SLC9A9: variants seen among roughly 807,000 people sequenced by gnomAD.
The protein encoded by SLC9A9 is sodium/hydrogen exchanger 9.
In SLC9A9, 62 loss-of-function variants were observed where a neutral mutation model predicts 77.8. The ratio of observed to expected loss-of-function variants is 0.80; its 90% CI spans 0.65 to 0.98. The LOEUF is 0.98. Among genes scored for constraint, SLC9A9 ranks in the 50% least tolerant of loss-of-function variants. The pLI is 0.00. For missense variants in SLC9A9, 775 were observed against 774.9 expected, an observed-to-expected ratio of 1.00 and a Z score of 0.00; for synonymous variants, 320 against 283.5, an observed-to-expected ratio of 1.13 and a Z score of -1.29.
intron 14 of SLC9A9, among the ~76,000 whole-genome samples, chr3:143,307,390 A>T (rs990234993): frequency 6.6e-6 from 1 of 152,232 alleles, no homozygotes; most frequent in African/African-American, 2.4e-5. Context: ...ATGGATTTAA[A>T]CAGAAATTGA....
chr3:143,579,801 G>C (rs1024771260), intron 6 of SLC9A9, among the ~76,000 whole-genome samples: 8 of 152,162 alleles, frequency 5.3e-5, no homozygotes, highest in African/African-American at 1.7e-4. Context: ...CCAATGATTA[G>C]AGCATGTTAG....
chr3:143,709,744 G>A (rs770677575), intron 4 of SLC9A9, among the ~76,000 whole-genome samples: 4 of 152,150 alleles, frequency 2.6e-5, no homozygotes, highest in Non-Finnish European at 5.9e-5. Flanking sequence ...GATTCAAGGC[G>A]TTGTTACCTC....
chr3:143,465,337 C>G (rs1317261491), intron 12 of SLC9A9, among the ~76,000 whole-genome samples: 2 of 152,236 alleles, frequency 1.3e-5, no homozygotes, highest in Non-Finnish European at 2.9e-5. Flanking sequence ...TCCCCTCTCC[C>G]TGCTGGACCA....
intron 14 of SLC9A9, among the ~76,000 whole-genome samples, chr3:143,320,321 G>A (rs562409810): frequency 6.6e-6 from 1 of 152,320 alleles, no homozygotes; most frequent in Admixed American, 6.5e-5. Flanking sequence ...TCAGATTCCT[G>A]TTTAGAAGAG....
chr3:143,713,701 T>C (rs991348348), intron 4 of SLC9A9, among the ~76,000 whole-genome samples: 26 of 152,278 alleles, frequency 1.7e-4, no homozygotes, highest in African/African-American at 5.8e-4. Flanking sequence ...CTTGCCATGG[T>C]CAGGGGGAAG....
At chr3:143,831,869 C>T in intron 2 of SLC9A9, 150 bp downstream of exon 2, 1 of 706,628 alleles carries the variant, frequency 1.4e-6, no homozygotes, top group Non-Finnish European at 2.3e-6. Flanking sequence ...CAGGGTTTGA[C>T]TCCTTAGTCA....
chr3:143,536,282 C>A (rs1287682678), intron 9 of SLC9A9, among the ~76,000 whole-genome samples: 1 of 152,022 alleles, frequency 6.6e-6, no homozygotes. Context: ...TCCCATTTTC[C>A]CACCCATGTT....
chr3:143,587,563 T>TCAGGCTGGAGA (rs1363691607), intron 6 of SLC9A9, among the ~76,000 whole-genome samples: 1 of 149,516 alleles, frequency 6.7e-6, no homozygotes, highest in Non-Finnish European at 1.5e-5. Context: ...GTGGTGGGAG[T>TCAGGCTGGAGA]CAGGCTGGAG....
At chr3:143,782,991 C>T (rs1349141677) in intron 4 of SLC9A9, among the ~76,000 whole-genome samples, 2 of 152,104 alleles carry the variant, frequency 1.3e-5, no homozygotes, top group South Asian at 2.1e-4. Context: ...TCATTCAAAC[C>T]GCTCTCAGAT....
At chr3:143,475,315 T>G (rs2035456187) in intron 11 of SLC9A9, among the ~76,000 whole-genome samples, 1 of 152,044 alleles carries the variant, frequency 6.6e-6, no homozygotes, top group Non-Finnish European at 1.5e-5. Context: ...CTTGTTTATA[T>G]TCTGGTCTTT....
At chr3:143,400,485 T>C (rs914652185) in intron 12 of SLC9A9, among the ~76,000 whole-genome samples, 2 of 151,950 alleles carry the variant, frequency 1.3e-5, no homozygotes, top group African/African-American at 4.8e-5. Flanking sequence ...AACTAAGCTA[T>C]GAGGACAAAA....
chr3:143,672,233 A>T (rs1200354255), intron 5 of SLC9A9, among the ~76,000 whole-genome samples: 1 of 152,078 alleles, frequency 6.6e-6, no homozygotes, highest in African/African-American at 2.4e-5. Context: ...TTTCTCTTGA[A>T]TTCTTGTGTA....
intron 6 of SLC9A9, among the ~76,000 whole-genome samples, chr3:143,623,787 A>G (rs1462850048): frequency 2.0e-5 from 3 of 152,212 alleles, no homozygotes; most frequent in Non-Finnish European, 4.4e-5. Context: ...AAGGAAATAG[A>G]GACACAAAAA....
intron 6 of SLC9A9, among the ~76,000 whole-genome samples, chr3:143,586,463 T>C (rs2037543252): frequency 6.6e-6 from 1 of 152,214 alleles, no homozygotes; most frequent in Non-Finnish European, 1.5e-5. Flanking sequence ...GTGTAAAACC[T>C]GCTCTGTTTT....
intron 6 of SLC9A9, among the ~76,000 whole-genome samples, chr3:143,612,915 G>A (rs1234348649): frequency 6.6e-6 from 1 of 152,120 alleles, no homozygotes; most frequent in Non-Finnish European, 1.5e-5. Context: ...AAATTGGACT[G>A]ATATGGATTT....
At chr3:143,390,626 C>G (rs537510999) in intron 12 of SLC9A9, among the ~76,000 whole-genome samples, 1 of 152,034 alleles carries the variant, frequency 6.6e-6, no homozygotes, top group South Asian at 2.1e-4. Context: ...TGCAGCACAC[C>G]GAGTGTGAGC....
intron 9 of SLC9A9, chr3:143,518,197 G>C (rs1422237762): frequency 6.3e-7 from 1 of 1,598,778 alleles, no homozygotes; most frequent in African/African-American, 1.3e-5. Context: ...TTTTCACAAA[G>C]GCCCGAAGCT....
At chr3:143,772,755 T>C (rs1021540598) in intron 4 of SLC9A9, among the ~76,000 whole-genome samples, 1 of 152,208 alleles carries the variant, frequency 6.6e-6, no homozygotes, top group African/African-American at 2.4e-5. Flanking sequence ...AGAGCTGTGA[T>C]TGGAAACGTT....
At chr3:143,599,033 A>G (rs762872596) in intron 6 of SLC9A9, among the ~76,000 whole-genome samples, 120 of 152,348 alleles carry the variant, frequency 7.9e-4, no homozygotes, top group Middle Eastern at 6.8e-3. Flanking sequence ...ATTCTAAACA[A>G]GATTCAAATG....
Sources: gnomAD v4.1 joint callset for allele counts (sites outside exome capture counted in the v4.1 genomes callset) on GRCh38, gnomAD v4.1.1 for gene constraint, MANE v1.5 for transcripts, NCBI Gene and HGNC (gene_info 2026-07-23, HGNC 2026-07-21) for gene names.